TACR3: variants seen among roughly 807,000 people sequenced by gnomAD.
The protein encoded by TACR3 is tachykinin receptor 3.
In TACR3, 34 loss-of-function variants were observed where a neutral mutation model predicts 35.0. The observed-to-expected ratio is 0.97, with a 90% CI of 0.74 to 1.30. The LOEUF (loss-of-function observed/expected upper bound fraction) is 1.30, where lower values mean the gene tolerates loss of function less well. TACR3 is among the 50% of genes most tolerant of loss of function. TACR3 has a pLI of 0.00. For missense variants in TACR3, 558 were observed against 591.7 expected, an observed-to-expected ratio of 0.94 and a Z score of 0.59; for synonymous variants, 233 against 221.1, an observed-to-expected ratio of 1.05 and a Z score of -0.48.
intron 3 of TACR3, among the ~76,000 whole-genome samples, chr4:103,611,678 T>C (rs1419730597): frequency 6.6e-6 from 1 of 152,028 alleles, no homozygotes; most frequent in Admixed American, 6.6e-5. Context: ...AGACATGGCA[T>C]CAAGAAGTAG....
chr4:103,703,316 C>T (rs1722705777), intron 1 of TACR3, among the ~76,000 whole-genome samples: 1 of 152,048 alleles, frequency 6.6e-6, no homozygotes, highest in South Asian at 2.1e-4. Flanking sequence ...ATTGTACAAC[C>T]ATACCACCAC....
chr4:103,697,402 G>GTTTGTTTGTTTGTTTATTTA (rs139321846), intron 1 of TACR3, among the ~76,000 whole-genome samples: 2 of 144,874 alleles, frequency 1.4e-5, no homozygotes, highest in Admixed American at 1.4e-4. Context: ...TTATTTATTT[G>GTTTGTTTGTTTGTTTATTTA]TTTATTTATT....
At chr4:103,596,552 C>T (rs1023305398) in intron 3 of TACR3, among the ~76,000 whole-genome samples, 1 of 151,874 alleles carries the variant, frequency 6.6e-6, no homozygotes, top group Non-Finnish European at 1.5e-5. Flanking sequence ...CTAGGTGTGA[C>T]AAAAAACAAA....
intron 3 of TACR3, among the ~76,000 whole-genome samples, chr4:103,653,535 C>A (rs1318840975): frequency 6.6e-6 from 1 of 151,896 alleles, no homozygotes; most frequent in East Asian, 1.9e-4. Context: ...ACACCTTATA[C>A]AAAAATTAAT....
intron 3 of TACR3, among the ~76,000 whole-genome samples, chr4:103,628,210 A>C (rs576435446): frequency 6.6e-6 from 1 of 152,320 alleles, no homozygotes; most frequent in South Asian, 2.1e-4. Flanking sequence ...CCTAAAATCA[A>C]CACCCTAACA....
At chr4:103,628,569 G>A (rs1212826521) in intron 3 of TACR3, among the ~76,000 whole-genome samples, 1 of 152,034 alleles carries the variant, frequency 6.6e-6, no homozygotes, top group Non-Finnish European at 1.5e-5. Flanking sequence ...TAAATTCCTG[G>A]ACACATACAC....
chr4:103,631,040 A>T (rs567345014), intron 3 of TACR3, among the ~76,000 whole-genome samples: 2 of 152,316 alleles, frequency 1.3e-5, no homozygotes, highest in East Asian at 3.9e-4. Flanking sequence ...ACATGGATGA[A>T]GCTGGAAACC....
At chr4:103,601,779 T>C (rs572223420) in intron 3 of TACR3, among the ~76,000 whole-genome samples, 1 of 152,344 alleles carries the variant, frequency 6.6e-6, no homozygotes, top group African/African-American at 2.4e-5. Context: ...GGGCTTCCCT[T>C]TGTGGGTAAC....
At chr4:103,687,851 C>T (rs1722285238) in intron 1 of TACR3, among the ~76,000 whole-genome samples, 2 of 152,042 alleles carry the variant, frequency 1.3e-5, no homozygotes, top group Admixed American at 1.3e-4. Context: ...CAATGCCATC[C>T]CCATCAAGCT....
At chr4:103,595,171 T>G (rs1723979084) in intron 3 of TACR3, among the ~76,000 whole-genome samples, 1 of 152,204 alleles carries the variant, frequency 6.6e-6, no homozygotes, top group Admixed American at 6.5e-5. Flanking sequence ...CTGTATTGCA[T>G]GGCTGAACAA....
At chr4:103,662,034 A>T (rs1230667199) in intron 1 of TACR3, among the ~76,000 whole-genome samples, 2 of 152,152 alleles carry the variant, frequency 1.3e-5, no homozygotes, top group Non-Finnish European at 2.9e-5. Flanking sequence ...GCTGTTACGA[A>T]GGTAAGGCCA....
At position 103,586,792 on chromosome 4, in the gene TACR3, A is replaced by G. The variant is rs1723780074; in HGVS notation, c.*2890T>C. On this transcript the variant is annotated 3_prime_UTR_variant, in exon 5 of 5. Coordinates refer to ENST00000304883, the MANE Select transcript of TACR3 (RefSeq NM_001059.3). The stretch of plus-strand genomic sequence containing the variant: ...AAGTGTGAGAGTGAATTCTGTAACA[A>G]TTATGTCCGCTTTAATATTTTCCCA... 1 of 152,048 alleles carries G rather than the reference A, an allele frequency of 6.6e-6. No homozygotes were observed. The highest frequency in any genetic ancestry group is 2.4e-5 in the African/African-American group (1 of 41,386). The allele number at this position is 152,048 out of a possible 1,614,324, so 9.4% of individuals were successfully genotyped here.
intron 3 of TACR3, among the ~76,000 whole-genome samples, chr4:103,612,385 C>A (rs145529357): frequency 6.6e-6 from 1 of 152,178 alleles, no homozygotes; most frequent in Non-Finnish European, 1.5e-5. Context: ...GAAAACAACT[C>A]CGATTGCAAT....
At chr4:103,592,832 C>T (rs1292533228) in intron 3 of TACR3, among the ~76,000 whole-genome samples, 1 of 152,112 alleles carries the variant, frequency 6.6e-6, no homozygotes, top group Non-Finnish European at 1.5e-5. Flanking sequence ...TCAGGAGAGA[C>T]ATGATTTTAG....
intron 3 of TACR3, among the ~76,000 whole-genome samples, chr4:103,612,527 T>A (rs2110298041): frequency 6.6e-6 from 1 of 152,264 alleles, no homozygotes. Flanking sequence ...CTTGTGGTTA[T>A]TTTTTGAGAC....
chr4:103,628,786 T>C, intron 3 of TACR3, among the ~76,000 whole-genome samples: 1 of 152,200 alleles, frequency 6.6e-6, no homozygotes, highest in Non-Finnish European at 1.5e-5. Context: ...GAATCCTCCC[T>C]AACTCATTTT....
chr4:103,710,814 C>A (rs939925713), intron 1 of TACR3, among the ~76,000 whole-genome samples: 3 of 152,108 alleles, frequency 2.0e-5, no homozygotes, highest in Non-Finnish European at 4.4e-5. Flanking sequence ...GGGGATATCA[C>A]CACTGATCCC....
intron 1 of TACR3, among the ~76,000 whole-genome samples, chr4:103,686,381 G>T (rs1391667393): frequency 2.6e-5 from 4 of 152,058 alleles, no homozygotes; most frequent in Non-Finnish European, 5.9e-5. Context: ...CACTAACTAA[G>T]CTGACTCAGA....
At chr4:103,717,550 A>G (rs896285450) in intron 1 of TACR3, among the ~76,000 whole-genome samples, 11 of 152,202 alleles carry the variant, frequency 7.2e-5, no homozygotes, top group Non-Finnish European at 1.5e-4. Context: ...TCAAATTGAA[A>G]TACAGATTTC....
Sources: allele counts gnomAD v4.1 joint callset (sites outside exome capture counted in the v4.1 genomes callset), GRCh38; gene constraint gnomAD v4.1.1; transcripts MANE v1.5; gene names NCBI Gene and HGNC (gene_info 2026-07-23, HGNC 2026-07-21).